The following NAA11 variants were observed in gnomAD, a reference collection of about 807,000 sequenced individuals.
NAA11 encodes N-alpha-acetyltransferase 11, NatA catalytic subunit.
Under a neutral mutation model 16.1 loss-of-function variants are expected in NAA11, and 15 were observed. The ratio of observed to expected loss-of-function variants is 0.93; its 90% CI spans 0.62 to 1.44. The LOEUF is 1.44. Among genes scored for constraint, NAA11 ranks in the 40% most tolerant of loss-of-function variants. NAA11 has a pLI of 0.00. For missense variants in NAA11, 298 were observed against 291.3 expected, an observed-to-expected ratio of 1.02 and a Z score of -0.17; for synonymous variants, 122 against 112.4, an observed-to-expected ratio of 1.09 and a Z score of -0.54.
chr4:79,325,027 AC>A, intron 1 of NAA11, 148 bp downstream of exon 1: 2 of 644,680 alleles, frequency 3.1e-6, no homozygotes, highest in Non-Finnish European at 5.3e-6. Context: ...CCCTCAACTC[AC>A]TCTAACTTCT....
At chr4:79,302,343 A>G (rs1380013415) in intron 1 of NAA11, among the ~76,000 whole-genome samples, 1 of 152,228 alleles carries the variant, frequency 6.6e-6, no homozygotes, top group African/African-American at 2.4e-5. Flanking sequence ...CTATACAATA[A>G]GTATTCAAGG....
chr4:79,253,915 G>A lies in NAA11; in HGVS notation c.*123-27645C>T, dbSNP rs1722047764. ...CTGTCAGGAGGGAAGGTAGTTTTTCGTTGACATCTTCATTAGAATCAGTAG... is the reference window on the plus strand; with the variant it reads ...CTGTCAGGAGGGAAGGTAGTTTTTCATTGACATCTTCATTAGAATCAGTAG... On this transcript the variant is annotated intron_variant and NMD_transcript_variant, in intron 2 of 2. Transcript: ENST00000511542. 2.6e-5 allele frequency among the ~76,000 whole-genome samples: 4 copies of A among 152,184 alleles called. No individual in the cohort carries two copies. The South Asian group carries it at 6.2e-4, about 24-fold the overall frequency.
At chr4:79,292,193 T>C (rs1046077983) in intron 2 of NAA11, among the ~76,000 whole-genome samples, 3 of 152,230 alleles carry the variant, frequency 2.0e-5, no homozygotes, top group Non-Finnish European at 4.4e-5. Flanking sequence ...CTGTTTCTCT[T>C]TGACACACAG....
At chr4:79,304,668 C>A (rs1452076409) in intron 1 of NAA11, among the ~76,000 whole-genome samples, 1 of 152,116 alleles carries the variant, frequency 6.6e-6, no homozygotes, top group African/African-American at 2.4e-5. Context: ...TCCATTTCAT[C>A]CTCAAAAATA....
At chr4:79,203,341 C>T in the NAA11 span, among the ~76,000 whole-genome samples, 4 of 151,730 alleles carry the variant, frequency 2.6e-5, no homozygotes, top group African/African-American at 9.7e-5. Context: ...CATGCACACA[C>T]ATTAGGAAAG....
At chr4:79,303,588 C>T (rs556956093) in intron 1 of NAA11, among the ~76,000 whole-genome samples, 6 of 152,310 alleles carry the variant, frequency 3.9e-5, no homozygotes, top group Non-Finnish European at 8.8e-5. Context: ...GACAGGAAGG[C>T]TCCTTGGAGC....
At chr4:79,287,696 A>AG (rs1722974456) in intron 2 of NAA11, among the ~76,000 whole-genome samples, 1 of 149,450 alleles carries the variant, frequency 6.7e-6, no homozygotes, top group Admixed American at 6.7e-5. Flanking sequence ...AGAAAGAGGG[A>AG]GAGAGAGAGA....
chr4:79,245,324 T>C (rs1295052012), intron 2 of NAA11: 1 of 155,224 alleles, frequency 6.4e-6, no homozygotes, highest in Non-Finnish European at 1.4e-5. Context: ...CCACCCATCA[T>C]CTGGGATGTG....
At chr4:79,297,327 C>G (rs2109998620) in intron 1 of NAA11, among the ~76,000 whole-genome samples, 1 of 152,286 alleles carries the variant, frequency 6.6e-6, no homozygotes, top group East Asian at 1.9e-4. Context: ...TGGTCAGGCA[C>G]AGAGGAGTGG....
chr4:79,156,274 A>T, the NAA11 span, among the ~76,000 whole-genome samples: 1 of 152,118 alleles, frequency 6.6e-6, no homozygotes, highest in Non-Finnish European at 1.5e-5. Context: ...GGCATACTCT[A>T]TATATTAGAT....
At chr4:79,185,037 T>G in the NAA11 span, among the ~76,000 whole-genome samples, 1 of 152,220 alleles carries the variant, frequency 6.6e-6, no homozygotes, top group Non-Finnish European at 1.5e-5. Flanking sequence ...GTTTAGATTT[T>G]GTACGTGAAT....
chr4:79,231,612 A>T (rs531786462), intron 2 of NAA11, among the ~76,000 whole-genome samples: 1 of 152,068 alleles, frequency 6.6e-6, no homozygotes, highest in South Asian at 2.1e-4. Flanking sequence ...TGGAGGAGTC[A>T]GGTGGACCAC....
At chr4:79,272,714 G>A (rs1051751054) in intron 2 of NAA11, among the ~76,000 whole-genome samples, 4 of 151,992 alleles carry the variant, frequency 2.6e-5, no homozygotes, top group Non-Finnish European at 4.4e-5. Context: ...TAGAAAGTAA[G>A]GTGGGGGCTA....
chr4:79,264,212 T>C (rs570956853), intron 2 of NAA11, among the ~76,000 whole-genome samples: 1 of 152,252 alleles, frequency 6.6e-6, no homozygotes, highest in Non-Finnish European at 1.5e-5. Context: ...AAATGGAGAA[T>C]AAATGTATAG....
the NAA11 span, among the ~76,000 whole-genome samples, chr4:79,192,028 T>G: frequency 5.5e-3 from 833 of 152,284 alleles, 9 homozygotes; most frequent in African/African-American, 0.018. Flanking sequence ...TCTATTCTGT[T>G]TCATTGGTCT....
At chr4:79,197,641 A>T in the NAA11 span, 1 of 152,006 alleles carries the variant, frequency 6.6e-6, no homozygotes, top group African/African-American at 2.4e-5. Flanking sequence ...TGAGCCCCAG[A>T]CCTGTGAGTA....
intron 2 of NAA11, among the ~76,000 whole-genome samples, chr4:79,241,894 C>T (rs1721703809): frequency 6.6e-6 from 1 of 152,190 alleles, no homozygotes; most frequent in African/African-American, 2.4e-5. Flanking sequence ...CCAAATCCAC[C>T]TATCACTACA....
chr4:79,278,920 T>G (rs530510024), intron 2 of NAA11, among the ~76,000 whole-genome samples: 1 of 152,160 alleles, frequency 6.6e-6, no homozygotes, highest in African/African-American at 2.4e-5. Context: ...GATGTCAGCA[T>G]TTGGTGTGGG....
At chr4:79,303,181 AACAACATAAGAGATAAATGT>A (rs1261174248) in intron 1 of NAA11, among the ~76,000 whole-genome samples, 1 of 148,452 alleles carries the variant, frequency 6.7e-6, no homozygotes, top group African/African-American at 2.5e-5. Context: ...CTGGGAAAGA[AACAACATAAGAGATAAATGT>A]ACAGGTCAGT....
Sources: gnomAD v4.1 joint callset for allele counts (sites outside exome capture counted in the v4.1 genomes callset) on GRCh38, gnomAD v4.1.1 for gene constraint, MANE v1.5 for transcripts, NCBI Gene and HGNC (gene_info 2026-07-23, HGNC 2026-07-21) for gene names.